SUMF1: variants seen among roughly 807,000 people sequenced by gnomAD.
SUMF1 encodes the protein formylglycine-generating enzyme.
Under a neutral mutation model 47.6 loss-of-function variants are expected in SUMF1, and 48 were observed. The ratio of observed to expected loss-of-function variants is 1.01; its 90% CI spans 0.80 to 1.28. SUMF1 has a LOEUF of 1.28. SUMF1 is among the 50% of genes most tolerant of loss of function. SUMF1 has a pLI of 0.00. For synonymous variants in SUMF1, 230 were observed against 192.1 expected (o/e 1.20, Z -1.63); for missense variants, 571 against 485.4 (o/e 1.18, Z -1.66).
At chr3:4,200,333 C>T (rs1695515139) in intron 8 of SUMF1, among the ~76,000 whole-genome samples, 1 of 151,950 alleles carries the variant, frequency 6.6e-6, no homozygotes. Flanking sequence ...TCAGTGAATT[C>T]AGTGGGCAAA....
At chr3:4,456,925 TATATATATACGTGTGTGTAC>T (rs2079653682) in intron 1 of SUMF1, among the ~76,000 whole-genome samples, 2 of 141,696 alleles carry the variant, frequency 1.4e-5, no homozygotes, top group African/African-American at 2.6e-5. Flanking sequence ...CGTGTGTGTG[TATATATATACGTGTGTGTAC>T]ATATATACGT....
At position 4,417,171 on chromosome 3, in the gene SUMF1, G is replaced by A. The variant is rs763243827; in HGVS notation, c.797C>T (p.Pro266Leu). 1.2e-4 allele frequency: 190 copies of A among 1,613,770 alleles called. No homozygotes were observed. Among genetic ancestry groups the A allele is most frequent in the Non-Finnish European group, 3.9e-5 (46 of 1,179,898 alleles). Residue 266 changes from proline (P) to leucine (L), a missense_variant, in exon 6 of 9, where the codon CCG becomes CTG. Physicochemically the swap from Pro to Leu is moderately conservative, Grantham distance 98 (BLOSUM62 -3). Coordinates refer to ENST00000272902, the MANE Select transcript of SUMF1 (RefSeq NM_182760.4). ...HYANIWQGEF[P>L]VTNTGEDGFQ... ...GCCATCCTCACCAGTGTTGGTCACCGGAAACTCGCCCTGCCAAATGTTGGC... is the reference window on the plus strand; with the variant it reads ...GCCATCCTCACCAGTGTTGGTCACCAGAAACTCGCCCTGCCAAATGTTGGC...
chr3:4,322,156 T>C (rs1208173369), intron 8 of SUMF1, among the ~76,000 whole-genome samples: 1 of 152,104 alleles, frequency 6.6e-6, no homozygotes, highest in Non-Finnish European at 1.5e-5. Context: ...GAAGACATGA[T>C]ATGTAACTGT....
At chr3:4,113,687 G>A (rs1693361179) in intron 8 of SUMF1, among the ~76,000 whole-genome samples, 1 of 151,918 alleles carries the variant, frequency 6.6e-6, no homozygotes, top group South Asian at 2.1e-4. Flanking sequence ...GGTTTTTTTG[G>A]AAGATATGCC....
intron 8 of SUMF1, among the ~76,000 whole-genome samples, chr3:4,158,927 T>C (rs187300792): frequency 6.6e-6 from 1 of 151,738 alleles, no homozygotes; most frequent in Admixed American, 6.5e-5. Context: ...TCTTTTTTTA[T>C]CCACTCAGCT....
chr3:4,378,996 G>T (rs1218969937), intron 7 of SUMF1, among the ~76,000 whole-genome samples: 2 of 152,196 alleles, frequency 1.3e-5, no homozygotes, highest in Admixed American at 1.3e-4. Context: ...TCACAGTGAC[G>T]CAAGTAGTAA....
intron 1 of SUMF1, among the ~76,000 whole-genome samples, chr3:4,456,763 TATATATACAC>T (rs2079632238): frequency 7.2e-6 from 1 of 139,836 alleles, no homozygotes; most frequent in Non-Finnish European, 1.6e-5. Context: ...CGTGTGTGTG[TATATATACAC>T]ATATATACGT....
At position 4,256,789 on chromosome 3, in the gene SUMF1, C is replaced by T. The variant is rs1420687651; in HGVS notation, c.1014+119541G>A. On this transcript the variant is annotated intron_variant and NMD_transcript_variant, in intron 8 of 12. Transcript: ENST00000448413. ...GCCAGCATCATTCTGATACCAAAGCCGGGCAGAGACACAACCAAAAAAGAG... is the reference window on the plus strand; with the variant it reads ...GCCAGCATCATTCTGATACCAAAGCTGGGCAGAGACACAACCAAAAAAGAG... Among the ~76,000 whole-genome samples, 58 of 151,536 alleles carry T rather than the reference C, an allele frequency of 3.8e-4. 1 individual carries two copies. Among genetic ancestry groups the T allele is most frequent in the African/African-American group, 9.0e-4 (37 of 41,218 alleles).
intron 8 of SUMF1, among the ~76,000 whole-genome samples, chr3:4,105,763 T>C: frequency 6.6e-6 from 1 of 152,140 alleles, no homozygotes; most frequent in Non-Finnish European, 1.5e-5. Context: ...TAGTCCCCTT[T>C]ACCAGAGAAA....
intron 8 of SUMF1, among the ~76,000 whole-genome samples, chr3:4,362,545 C>T (rs1283132902): frequency 2.0e-5 from 3 of 152,204 alleles, no homozygotes; most frequent in Non-Finnish European, 2.9e-5. Context: ...AGTTTAGGCA[C>T]ATCCATATAA....
chr3:4,254,151 C>T (rs1163275413), intron 8 of SUMF1, among the ~76,000 whole-genome samples: 1 of 151,930 alleles, frequency 6.6e-6, no homozygotes, highest in Non-Finnish European at 1.5e-5. Flanking sequence ...AAAAAAACCA[C>T]AAAGATGGGG....
At chr3:4,395,474 T>C (rs1040280539) in intron 7 of SUMF1, among the ~76,000 whole-genome samples, 3 of 152,160 alleles carry the variant, frequency 2.0e-5, no homozygotes, top group Non-Finnish European at 4.4e-5. Context: ...CAATTAGCAT[T>C]AGCCTCTCCT....
chr3:4,097,418 G>T (rs113168138), intron 8 of SUMF1, among the ~76,000 whole-genome samples: 16,334 of 151,734 alleles, frequency 0.11, 1,708 homozygotes, highest in African/African-American at 0.25. Flanking sequence ...CCAGGCGTGG[G>T]GGCAGGTGCC....
intron 8 of SUMF1, among the ~76,000 whole-genome samples, chr3:4,099,416 T>C (rs2125060111): frequency 6.6e-6 from 1 of 152,256 alleles, no homozygotes; most frequent in South Asian, 2.1e-4. Context: ...AGCATATTTT[T>C]ATAATTAAAA....
intron 7 of SUMF1, among the ~76,000 whole-genome samples, chr3:4,391,707 T>A (rs1291758076): frequency 6.6e-6 from 1 of 152,224 alleles, no homozygotes; most frequent in African/African-American, 2.4e-5. Context: ...GGTCTCGAAC[T>A]CCTGGGCTCC....
intron 8 of SUMF1, among the ~76,000 whole-genome samples, chr3:4,165,251 G>T (rs1360484560): frequency 2.0e-5 from 3 of 152,150 alleles, no homozygotes; most frequent in African/African-American, 2.4e-5. Flanking sequence ...TCGAAGATTT[G>T]CCCTAGGTCT....
intron 2 of SUMF1, among the ~76,000 whole-genome samples, chr3:4,450,154 T>C (rs752426365): frequency 6.6e-6 from 1 of 152,158 alleles, no homozygotes; most frequent in Non-Finnish European, 1.5e-5. Context: ...GAGATTCTCA[T>C]TCTGGGGGTC....
At chr3:4,070,395 A>G (rs979142649) in intron 8 of SUMF1, among the ~76,000 whole-genome samples, 24 of 152,156 alleles carry the variant, frequency 1.6e-4, no homozygotes, top group African/African-American at 5.8e-4. Context: ...ACGGAGTAAG[A>G]GGACAGCACC....
chr3:4,111,597 C>CTCT (rs1693308489), intron 8 of SUMF1, among the ~76,000 whole-genome samples: 1 of 151,740 alleles, frequency 6.6e-6, no homozygotes, highest in South Asian at 2.1e-4. Flanking sequence ...GCGCACCTGC[C>CTCT]TCTACCTGCC....
Sources: allele counts gnomAD v4.1 joint callset (sites outside exome capture counted in the v4.1 genomes callset), GRCh38; gene constraint gnomAD v4.1.1; transcripts MANE v1.5; gene names NCBI Gene and HGNC (gene_info 2026-07-23, HGNC 2026-07-21).